VASH2: variants seen among roughly 807,000 people sequenced by gnomAD.
VASH2 encodes tubulinyl-Tyr carboxypeptidase 2.
Under a neutral mutation model 37.2 loss-of-function variants are expected in VASH2, and 28 were observed. That is an observed-to-expected ratio of 0.75 (90% CI 0.56 to 1.03). VASH2 has a LOEUF of 1.03. VASH2 is among the 50% of genes least tolerant of loss of function. The pLI is 0.00. For synonymous variants in VASH2, 188 were observed against 174.7 expected (o/e 1.08, Z -0.60); for missense variants, 419 against 459.1 (o/e 0.91, Z 0.80).
intron 2 of VASH2, among the ~76,000 whole-genome samples, chr1:212,955,642 C>T (rs1186328385): frequency 6.6e-6 from 1 of 152,196 alleles, no homozygotes; most frequent in African/African-American, 2.4e-5. Context: ...ATGGATTCAG[C>T]AAGAAACAGC....
intron 7 of VASH2, among the ~76,000 whole-genome samples, chr1:212,977,777 T>G (rs1667222419): frequency 6.6e-6 from 1 of 152,172 alleles, no homozygotes. Flanking sequence ...CTGGACCCCT[T>G]TCCCAGAGCT....
At chr1:212,963,777 T>A (rs1558144617) in intron 3 of VASH2, among the ~76,000 whole-genome samples, 2 of 152,208 alleles carry the variant, frequency 1.3e-5, no homozygotes, top group South Asian at 2.1e-4. Flanking sequence ...TTTTTTTTTT[T>A]ATTTTACTCT....
chr1:212,957,535 G>A (rs1666533453), intron 2 of VASH2, among the ~76,000 whole-genome samples: 1 of 151,886 alleles, frequency 6.6e-6, no homozygotes, highest in African/African-American at 2.4e-5. Context: ...CTGTTTTCCA[G>A]TTCCAGAAAG....
chr1:212,987,258 CT>C lies in VASH2; in HGVS notation c.996-1239del, dbSNP rs148744740. On this transcript the variant is annotated intron_variant, in intron 7 of 7. Coordinates refer to ENST00000517399, the MANE Select transcript of VASH2 (RefSeq NM_001301056.2). ...CTAACAATTATATTTTCTTTTTGGTCTTTTTTTTTTTTTTTAATACTTAAGA... is the reference window on the plus strand; with the variant it reads ...CTAACAATTATATTTTCTTTTTGGTCTTTTTTTTTTTTTTAATACTTAAGA... Among the ~76,000 whole-genome samples the C allele has an allele frequency of 6.6e-3, 920 of 139,826 alleles. 1 individual carries two copies. The highest frequency in any genetic ancestry group is 0.011 in the Middle Eastern group (3 of 268). 91.7% of individuals were successfully genotyped at this position (139,826 alleles called of 152,430 possible).
intron 5 of VASH2, chr1:212,967,613 G>A (rs189346558): frequency 4.2e-6 from 1 of 238,336 alleles, no homozygotes; most frequent in East Asian, 1.1e-4. Context: ...TAGAGAGGTA[G>A]TTCTCCAAAG....
At chr1:212,978,619 C>T (rs1572078278) in intron 7 of VASH2, among the ~76,000 whole-genome samples, 2 of 152,356 alleles carry the variant, frequency 1.3e-5, no homozygotes, top group East Asian at 1.9e-4. Context: ...CGCCCCTGCC[C>T]TCGAGCCCTT....
rs1416166144 is a variant in VASH2 at position 212,966,307 on chromosome 1, C to T, written c.459C>T (p.Ser153=). The T allele has an allele frequency of 1.3e-6, 2 of 1,551,718 alleles. No individual in the cohort carries two copies. The highest frequency in any genetic ancestry group is 8.7e-7 in the Non-Finnish European group (1 of 1,147,002). Residue 153 remains serine (S), a synonymous_variant, in exon 5 of 8, where the codon TCC becomes TCT. Coordinates refer to ENST00000517399, the MANE Select transcript of VASH2 (RefSeq NM_001301056.2). ...CAGCAAAAGAAATGACCCGAGAGTCCTTGCCTATCAAATGCCTTGAAGCTG... is the reference window on the plus strand; with the variant it reads ...CAGCAAAAGAAATGACCCGAGAGTCTTTGCCTATCAAATGCCTTGAAGCTG... ...METAKEMTRE[S]LPIKCLEAVI... is the part of the protein sequence containing the mutation.
chr1:212,963,352 G>A (rs1666736393), intron 3 of VASH2, among the ~76,000 whole-genome samples: 1 of 152,164 alleles, frequency 6.6e-6, no homozygotes, highest in Admixed American at 6.5e-5. Flanking sequence ...GCCACTGCAC[G>A]AGGAAGACAG....
At chr1:212,961,676 C>G (rs1460385167) in intron 3 of VASH2, among the ~76,000 whole-genome samples, 5 of 152,244 alleles carry the variant, frequency 3.3e-5, no homozygotes, top group Non-Finnish European at 7.3e-5. Flanking sequence ...ATTCTCAGCT[C>G]ACTGAAACCT....
intron 7 of VASH2, among the ~76,000 whole-genome samples, chr1:212,981,667 C>A (rs1430055826): frequency 6.6e-6 from 1 of 152,224 alleles, no homozygotes; most frequent in Non-Finnish European, 1.5e-5. Flanking sequence ...GCAGGCTGTA[C>A]CGCCAGTCTG....
Position 212,988,686 on chromosome 1 carries a change from ATTTTAT to A in VASH2, c.*108_*113del, listed in dbSNP as rs2075824032. On this transcript the variant is annotated 3_prime_UTR_variant, in exon 8 of 8. Coordinates refer to ENST00000517399, the MANE Select transcript of VASH2 (RefSeq NM_001301056.2). ...GCAACTATTTATTAAGAACTTGTGA[ATTTTAT>A]TTTTAAGGATTCACCTGGAAATAGA... 2.2e-5 allele frequency: 28 copies of A among 1,249,426 alleles called. No individual in the cohort carries two copies. The highest frequency in any genetic ancestry group is 3.0e-5 in the Non-Finnish European group (26 of 870,208). 77.4% of individuals were successfully genotyped at this position (1,249,426 alleles called of 1,614,324 possible). A position where few individuals can be genotyped will look rare whatever the true frequency, so the allele number is the denominator to read the frequency against.
In VASH2 at chr1:212,989,619, T is replaced by C. The variant is rs1281438692; in HGVS notation, c.*1035T>C. 6.6e-6 allele frequency: 1 copy of C among 152,226 alleles called. No homozygotes were observed. Among genetic ancestry groups the C allele is most frequent in the African/African-American group, 2.4e-5 (1 of 41,466 alleles). The allele number at this position is 152,226 out of a possible 1,614,324, so 9.4% of individuals were successfully genotyped here. A position where few individuals can be genotyped will look rare whatever the true frequency, so the allele number is the denominator to read the frequency against. On this transcript the variant is annotated 3_prime_UTR_variant, in exon 8 of 8. Coordinates refer to ENST00000517399, the MANE Select transcript of VASH2 (RefSeq NM_001301056.2). Reference sequence around the variant, plus strand: ...AAAGATGTGTTCTGATGTCTTATATTAAGACCAAATGTGACATGATGTGAT... The same window carrying C: ...AAAGATGTGTTCTGATGTCTTATATCAAGACCAAATGTGACATGATGTGAT...
chr1:212,952,296 C>T (rs1666338966), intron 2 of VASH2: 1 of 152,910 alleles, frequency 6.5e-6, no homozygotes, highest in Non-Finnish European at 1.5e-5. Flanking sequence ...AGTCAGACTT[C>T]TCAGTGTGAA....
In VASH2 at chr1:212,968,199, C is replaced by T. The variant is rs769321007; in HGVS notation, c.497+1854C>T. ...CACAGGGGAATCTGCACTGGAAATG[C>T]GAATTTAGGAGCTGTGATTAGGAGG... On this transcript the variant is annotated intron_variant, in intron 5 of 7. Coordinates refer to ENST00000517399, the MANE Select transcript of VASH2 (RefSeq NM_001301056.2). 1.8e-5 allele frequency: 18 copies of T among 985,184 alleles called. No individual in the cohort carries two copies. In the Admixed American group the frequency reaches 2.5e-4, roughly 13 times the overall value. 61.0% of individuals were successfully genotyped at this position (985,184 alleles called of 1,614,324 possible).
intron 2 of VASH2, among the ~76,000 whole-genome samples, chr1:212,960,163 C>T (rs1022402849): frequency 4.6e-5 from 7 of 152,226 alleles, no homozygotes; most frequent in Admixed American, 2.0e-4. Flanking sequence ...TGCTCAGAGC[C>T]GAGTGGATAT....
Position 212,989,346 on chromosome 1 carries a change from TTC to T in VASH2, c.*764_*765del, listed in dbSNP as rs1302238587. The T allele has an allele frequency of 8.5e-5, 13 of 152,360 alleles. No homozygotes were observed. In the South Asian group the frequency reaches 1.0e-3, roughly 12 times the overall value. 9.4% of individuals were successfully genotyped at this position (152,360 alleles called of 1,614,324 possible). On this transcript the variant is annotated 3_prime_UTR_variant, in exon 8 of 8. Transcript: ENST00000517399. ...TATCACATTGAGAAGCTAGTCTATG[TTC>T]TGTCACTAACATTTAAACTTTGCAG... is the stretch of plus-strand genomic sequence containing the variant.
rs1452907332 is a variant in VASH2, at chr1:212,967,747, T to C, written c.497+1402T>C. The C allele has an allele frequency of 1.9e-5, 3 of 156,506 alleles. No individual in the cohort carries two copies. The East Asian group carries it at 5.6e-4, about 29-fold the overall frequency. 9.7% of individuals were successfully genotyped at this position (156,506 alleles called of 1,614,324 possible). A position where few individuals can be genotyped will look rare whatever the true frequency, so the allele number is the denominator to read the frequency against. On this transcript the variant is annotated intron_variant, in intron 5 of 7. Transcript: ENST00000517399. ...GGGGATGGGAATGGATTTCAGGGAA[T>C]GGTTTTAAGAGCTATCAAGGAGATA...
At chr1:212,977,729 C>G (rs1161768737) in intron 7 of VASH2, among the ~76,000 whole-genome samples, 1 of 152,158 alleles carries the variant, frequency 6.6e-6, no homozygotes, top group Non-Finnish European at 1.5e-5. Context: ...TGAGTGTGCA[C>G]CAGCATCACC....
intron 7 of VASH2, among the ~76,000 whole-genome samples, chr1:212,985,221 T>G (rs1260652472): frequency 8.2e-4 from 99 of 121,458 alleles, no homozygotes; most frequent in African/African-American, 2.3e-3. Flanking sequence ...TTTTTTTTTT[T>G]GTAGAGATGG....
Sources: gnomAD v4.1 joint callset for allele counts (sites outside exome capture counted in the v4.1 genomes callset) on GRCh38, gnomAD v4.1.1 for gene constraint, MANE v1.5 for transcripts, NCBI Gene and HGNC (gene_info 2026-07-23, HGNC 2026-07-21) for gene names.